The following ACY1 variants were observed in gnomAD, a reference collection of about 807,000 sequenced individuals.
ACY1 encodes aminoacylase 1.
Under a neutral mutation model 53.3 loss-of-function variants are expected in ACY1, and 38 were observed. That is an observed-to-expected ratio of 0.71 (90% CI 0.55 to 0.93). The LOEUF is 0.93. ACY1 is among the 40% of genes least tolerant of loss of function. ACY1 has a pLI of 0.00. For synonymous variants in ACY1, 177 were observed against 202.1 expected (o/e 0.88, Z 1.05); for missense variants, 484 against 540.9 (o/e 0.89, Z 1.04).
intron 10 of ACY1, 26 bp downstream of exon 10, chr3:51,987,222 G>A (rs1701100400): frequency 6.2e-7 from 1 of 1,614,018 alleles, no homozygotes. Flanking sequence ...AGGCAGTGGG[G>A]TGGCTCTGGG....
At chr3:51,984,884 A>C in intron 2 of ACY1, 1 of 451,434 alleles carries the variant, frequency 2.2e-6, no homozygotes, top group Non-Finnish European at 4.1e-6. Flanking sequence ...ACATGGGTCC[A>C]AATTCCTCCT....
rs1439815499 is a variant in ACY1, at chr3:51,985,216, T to C, written c.104T>C (p.Val35Ala). The stretch of plus-strand genomic sequence containing the variant: ...CACTCTGTGCCTCCAGGAGCTGCTG[T>C]GGCTTTCTTTGAGGAGACAGCCCGC... ...VQPKPDYGAA[V>A]AFFEETARQL... The change falls in exon 3 of 15, where the codon GTG becomes GCG. Residue 35 changes from valine (V) to alanine (A), a missense_variant. Coordinates refer to ENST00000636358, the MANE Select transcript of ACY1 (RefSeq NM_000666.3). The C allele has an allele frequency of 1.9e-6, 3 of 1,604,098 alleles. No individual in the cohort carries two copies. Among genetic ancestry groups the C allele is most frequent in the Non-Finnish European group, 2.6e-6 (3 of 1,175,810 alleles).
Position 51,987,188 on chromosome 3 carries a change from A to G in ACY1, c.699A>G (p.Glu233=). 6.2e-7 allele frequency: 1 copy of G among 1,614,130 alleles called. No homozygotes were observed. The highest frequency in any genetic ancestry group is 1.1e-5 in the South Asian group (1 of 91,074). Residue 233 remains glutamate (E), a synonymous_variant, in exon 10 of 15, where the codon GAA becomes GAG. Coordinates refer to ENST00000636358, the MANE Select transcript of ACY1 (RefSeq NM_000666.3). ...CCATCCTGGCATTCCGGGAGAAGGAATGGCAGAGGTGAGGCAGCCTGGGAG... is the reference window on the plus strand; with the variant it reads ...CCATCCTGGCATTCCGGGAGAAGGAGTGGCAGAGGTGAGGCAGCCTGGGAG... ...VNSILAFREK[E]WQRLQSNPHL...
chr3:51,987,620 C>G lies in ACY1; in HGVS notation c.917C>G (p.Ala306Gly). 6.2e-7 allele frequency: 1 copy of G among 1,613,874 alleles called. No individual in the cohort carries two copies. Among genetic ancestry groups the G allele is most frequent in the Non-Finnish European group, 8.5e-7 (1 of 1,179,922 alleles). ...AAGEGVTLEF[A>G]QKWMHPQVTP... Reference sequence around the variant, plus strand: ...GGCGAGGGGGTCACCCTAGAGTTTGCTCAGGTATGGACTTGGGACATGTGA... The same window carrying G: ...GGCGAGGGGGTCACCCTAGAGTTTGGTCAGGTATGGACTTGGGACATGTGA... Residue 306 changes from alanine to glycine, a missense_variant, in exon 12 of 15, where the codon GCT (alanine) becomes GGT (glycine). Transcript: ENST00000636358.
rs760962010 is a variant in ACY1 at position 51,987,000 on chromosome 3, CCAG to C, written c.599_601del (p.Ser200del). The C allele has an allele frequency of 1.9e-6, 3 of 1,612,596 alleles. No homozygotes were observed. Among genetic ancestry groups the C allele is most frequent in the Non-Finnish European group, 2.5e-6 (3 of 1,179,986 alleles). On this transcript the variant is annotated inframe_deletion, in exon 9 of 15. Coordinates refer to ENST00000636358, the MANE Select transcript of ACY1 (RefSeq NM_000666.3). ...TACACCTCCCCAGGGGTGCGGGTTACCAGCACTGGGAGGCCAGGCCATGCCTCA... is the reference window on the plus strand; with the variant it reads ...TACACCTCCCCAGGGGTGCGGGTTACCACTGGGAGGCCAGGCCATGCCTCA...
At chr3:51,985,768 C>T in intron 4 of ACY1, 84 bp from the exon 5 acceptor site, 1 of 1,190,418 alleles carries the variant, frequency 8.4e-7, no homozygotes, top group Non-Finnish European at 1.2e-6. Flanking sequence ...CTATGGTGGG[C>T]TCCTAGGGCA....
Position 51,985,880 on chromosome 3 carries a change from C to G in ACY1, c.293C>G (p.Ala98Gly). Residue 98 changes from alanine to glycine, a missense_variant, in exon 5 of 15, where the codon GCC (alanine) becomes GGC (glycine). Coordinates refer to ENST00000636358, the MANE Select transcript of ACY1 (RefSeq NM_000666.3). Reference sequence around the variant, plus strand: ...CATTGGAGTCACGACCCCTTTGAGGCCTTCAAGGATTCTGAGGGCTACATC... The same window carrying G: ...CATTGGAGTCACGACCCCTTTGAGGGCTTCAAGGATTCTGAGGGCTACATC... Reference protein sequence around the residue: ...KEHWSHDPFEAFKDSEGYIYA... With the variant: ...KEHWSHDPFEGFKDSEGYIYA... The G allele has an allele frequency of 6.2e-7, 1 of 1,613,706 alleles. No individual in the cohort carries two copies. Among genetic ancestry groups the G allele is most frequent in the Non-Finnish European group, 8.5e-7 (1 of 1,179,846 alleles).
chr3:51,985,719 C>A, intron 4 of ACY1, 133 bp from the exon 5 acceptor site: 2 of 853,070 alleles, frequency 2.3e-6, no homozygotes, highest in East Asian at 2.7e-5. Flanking sequence ...CTTCAGCCCC[C>A]GTCTTTCCTC....
intron 12 of ACY1, chr3:51,987,943 C>G (rs1433346212): frequency 2.9e-6 from 1 of 346,526 alleles, no homozygotes; most frequent in Non-Finnish European, 5.4e-6. Context: ...ACAATCTCGG[C>G]TCACCTCCGC....
chr3:51,985,129 C>T, intron 2 of ACY1, 78 bp from the exon 3 acceptor site: 2 of 1,455,354 alleles, frequency 1.4e-6, no homozygotes, highest in Non-Finnish European at 1.9e-6. Flanking sequence ...TCTGGGTATG[C>T]TCCACTCTCC....
chr3:51,985,767 G>C, intron 4 of ACY1, 85 bp from the exon 5 acceptor site: 1 of 1,173,168 alleles, frequency 8.5e-7, no homozygotes, highest in Non-Finnish European at 1.2e-6. Context: ...CCTATGGTGG[G>C]CTCCTAGGGC....
At chr3:51,988,444 T>C in intron 12 of ACY1, 80 bp from the exon 13 acceptor site, 1 of 1,325,394 alleles carries the variant, frequency 7.5e-7, no homozygotes, top group East Asian at 2.3e-5. Context: ...TGTTATGTAC[T>C]AGGCACAGCC....
chr3:51,987,372 G>C lies in ACY1; in HGVS notation c.771G>C (p.Glu257Asp). The C allele has an allele frequency of 6.2e-7, 1 of 1,614,186 alleles. No homozygotes were observed. Among genetic ancestry groups the C allele is most frequent in the Non-Finnish European group, 8.5e-7 (1 of 1,180,036 alleles). The change falls in exon 11 of 15, where the codon GAG becomes GAC. Residue 257 changes from glutamate (E) to aspartate (D), a missense_variant. Coordinates refer to ENST00000636358, the MANE Select transcript of ACY1 (RefSeq NM_000666.3). ...CCTCCGTGAACCTGACTAAGCTAGAGGGTGGCGTGGCCTATAACGTGATAC... is the reference window on the plus strand; with the variant it reads ...CCTCCGTGAACCTGACTAAGCTAGACGGTGGCGTGGCCTATAACGTGATAC... The part of the protein sequence containing the change: ...SVTSVNLTKL[E>D]GGVAYNVIPA...
At position 51,987,073 on chromosome 3, in the gene ACY1, C is replaced by T. The variant is rs554899244; in HGVS notation, c.657+12C>T. ...CAGCAGAGAAGCTGGTACGTGGCACCCCAGGAGGGAGTCTGGGAGTTCAGG... is the reference window on the plus strand; with the variant it reads ...CAGCAGAGAAGCTGGTACGTGGCACTCCAGGAGGGAGTCTGGGAGTTCAGG... On this transcript the variant is annotated intron_variant, in intron 9 of 14. Coordinates refer to ENST00000636358, the MANE Select transcript of ACY1 (RefSeq NM_000666.3). 1.7e-4 allele frequency: 282 copies of T among 1,614,040 alleles called. 6 individuals are homozygous for T. In the South Asian group the frequency reaches 2.1e-3, roughly 12 times the overall value.
At chr3:51,984,008 G>A (rs746576896) in intron 1 of ACY1, 39 bp from the exon 2 acceptor site, 1 of 1,464,284 alleles carries the variant, frequency 6.8e-7, no homozygotes, top group Non-Finnish European at 9.5e-7. Flanking sequence ...CCATTTCCAG[G>A]GTCTTGGAGG....
chr3:51,983,732 G>T, intron 1 of ACY1, 143 bp downstream of exon 1: 2 of 414,878 alleles, frequency 4.8e-6, no homozygotes. Flanking sequence ...GGGAGTACAA[G>T]TCTGGGTTCA....
intron 2 of ACY1, 23 bp from the exon 3 acceptor site, chr3:51,985,184 C>T (rs1404053060): frequency 6.3e-7 from 1 of 1,590,400 alleles, no homozygotes. Flanking sequence ...CAGAAGCAGC[C>T]CCAAGACACT....
intron 1 of ACY1, 108 bp downstream of exon 1, chr3:51,983,697 CTTT>C (rs11442467): frequency 5.0e-4 from 117 of 234,688 alleles, no homozygotes; most frequent in South Asian, 7.3e-4. Flanking sequence ...TTGTTTTTGC[CTTT>C]TTTTTTTTTT....
intron 2 of ACY1, chr3:51,984,550 C>G: frequency 5.7e-6 from 2 of 349,862 alleles, no homozygotes; most frequent in Non-Finnish European, 5.5e-6. Flanking sequence ...GGAGGTGGCT[C>G]CTGCCTGTTA....
Sources: allele counts gnomAD v4.1 joint callset, GRCh38; gene constraint gnomAD v4.1.1; transcripts MANE v1.5; gene names NCBI Gene and HGNC (gene_info 2026-07-23, HGNC 2026-07-21).